The following PRDM16 variants were observed in gnomAD, a reference collection of about 807,000 sequenced individuals.
PRDM16 encodes the protein histone-lysine N-methyltransferase PRDM16.
A neutral mutation model predicts 110.6 loss-of-function variants in PRDM16; 23 were observed. The observed-to-expected ratio is 0.21, with a 90% CI of 0.15 to 0.29. The LOEUF is 0.29. PRDM16 is among the 10% of genes least tolerant of loss of function. PRDM16 has a pLI of 1.00. For synonymous variants in PRDM16, 799 were observed against 781.8 expected, an observed-to-expected ratio of 1.02 and a Z score of -0.37; for missense variants, 1,615 against 1,794.3, an observed-to-expected ratio of 0.90 and a Z score of 1.81.
rs936062698 is a variant in PRDM16, at chr1:3,295,368, T to C, written c.438+51231T>C. Among the ~76,000 whole-genome samples, 12 of 151,702 alleles carry C rather than the reference T, an allele frequency of 7.9e-5. 1 individual carries two copies. Among genetic ancestry groups the C allele is most frequent in the Admixed American group, 2.0e-4 (3 of 15,294 alleles). On this transcript the variant is annotated intron_variant, in intron 3 of 16. Coordinates refer to ENST00000270722, the MANE Select transcript of PRDM16 (RefSeq NM_022114.4). ...GCTGGGAGGGGACTGGGTGGCTCTC[T>C]GGGCTCCTCACCGCGGCTGGTCCCT...
In PRDM16 at chr1:3,382,273, C is replaced by CT. The variant is rs570119576; in HGVS notation, c.439-2878dup. Reference sequence around the variant, plus strand: ...CTCCCATGCCACGCCCCTGCCACCCCTGTCCTGGCAAGAGATGGGGTGCAA... The same window carrying CT: ...CTCCCATGCCACGCCCCTGCCACCCCTTGTCCTGGCAAGAGATGGGGTGCAA... On this transcript the variant is annotated intron_variant, in intron 3 of 16. Transcript: ENST00000270722. This position sits in a 1 kb window ranked among gnomAD's most constrained non-coding sequence, Gnocchi z 6.6. Among the ~76,000 whole-genome samples, 83 of 152,356 alleles carry CT rather than the reference C, an allele frequency of 5.4e-4. 1 individual carries two copies. In the South Asian group the frequency reaches 0.017, roughly 31 times the overall value.
intron 2 of PRDM16, among the ~76,000 whole-genome samples, chr1:3,224,154 T>G (rs1569874440): frequency 6.6e-6 from 1 of 152,024 alleles, no homozygotes; most frequent in African/African-American, 2.4e-5. Context: ...CCGTGGATGG[T>G]TTATCTTTGG....
At chr1:3,291,668 G>A (rs571725188) in intron 3 of PRDM16, among the ~76,000 whole-genome samples, 122 of 152,372 alleles carry the variant, frequency 8.0e-4, no homozygotes, top group African/African-American at 2.7e-3. Context: ...TGAATGCTAT[G>A]AAGCACCCGT....
At chr1:3,181,096 ACGC>A (rs1644157005) in intron 1 of PRDM16, among the ~76,000 whole-genome samples, 2 of 22,780 alleles carry the variant, frequency 8.8e-5, no homozygotes, top group Non-Finnish European at 2.2e-4. Flanking sequence ...GGCCTTACAC[ACGC>A]AGTCTTACAC....
rs533721352 is a variant in PRDM16, at chr1:3,096,802, C to A, written c.37+27506C>A. On this transcript the variant is annotated intron_variant, in intron 1 of 16. Transcript: ENST00000270722. ...TGTGGCCCTCATCTTCCTCAGTTTT[C>A]CCAGTGCCTGTCTTTCCTTGTGCCA... 2.6e-5 allele frequency among the ~76,000 whole-genome samples: 4 copies of A among 152,204 alleles called. 1 individual carries two copies. The highest frequency in any genetic ancestry group is 4.4e-5 in the Non-Finnish European group (3 of 68,040).
intron 8 of PRDM16, 127 bp downstream of exon 8, chr1:3,405,775 C>G (rs545898678): frequency 1.0e-6 from 1 of 958,116 alleles, no homozygotes; most frequent in East Asian, 2.9e-5. Context: ...ATAAAGCACT[C>G]ATGGCAGGTT....
chr1:3,271,480 C>A (rs925300859), intron 3 of PRDM16, among the ~76,000 whole-genome samples: 1 of 152,214 alleles, frequency 6.6e-6, no homozygotes, highest in Non-Finnish European at 1.5e-5. Flanking sequence ...AGGAGCTCAA[C>A]CCAGTGAGAA....
rs1439171485 is a variant in PRDM16 at position 3,412,689 on chromosome 1, G to T, written c.2492G>T (p.Arg831Leu). Residue 831 changes from arginine (R) to leucine (L), a missense_variant, in exon 9 of 17, where the codon CGC becomes CTC. Physicochemically the swap from Arg to Leu is moderately radical, Grantham distance 102. Coordinates refer to ENST00000270722, the MANE Select transcript of PRDM16 (RefSeq NM_022114.4). ...CGCAAGAACCACGTCTATGGGGAAC[G>T]CAAGCTGGGCGCCGGCGAGGGGCTG... is the stretch of plus-strand genomic sequence containing the variant. ...EPRKNHVYGE[R>L]KLGAGEGLPQ... 2 of 1,497,384 alleles carry T rather than the reference G, an allele frequency of 1.3e-6. No individual in the cohort carries two copies. The highest frequency in any genetic ancestry group is 1.3e-5 in the South Asian group (1 of 76,418). The allele number at this position is 1,497,384 out of a possible 1,614,324, so 92.8% of individuals were successfully genotyped here.
intron 4 of PRDM16, among the ~76,000 whole-genome samples, chr1:3,394,049 C>T (rs1216455790): frequency 6.6e-6 from 1 of 152,092 alleles, no homozygotes; most frequent in Admixed American, 6.5e-5. Context: ...GGGAGGGTCC[C>T]CCGGCAAGTC....
In PRDM16 at chr1:3,332,213, G is replaced by A. The variant is rs1642055282; in HGVS notation, c.439-52939G>A. ...CCTGATATGGGAGGTGCGTGCACTG[G>A]GAAGTGGTAATGAGATTCTGCCACG... On this transcript the variant is annotated intron_variant, in intron 3 of 16. Transcript: ENST00000270722. 3.3e-5 allele frequency among the ~76,000 whole-genome samples: 5 copies of A among 152,396 alleles called. No individual in the cohort carries two copies. In the South Asian group the frequency reaches 1.0e-3, roughly 32 times the overall value.
At chr1:3,180,944 C>CCTTACACACGCAGTCTTACACACTCGGT (rs1174521231) in intron 1 of PRDM16, among the ~76,000 whole-genome samples, 1 of 140,872 alleles carries the variant, frequency 7.1e-6, no homozygotes, top group Admixed American at 7.1e-5. Context: ...ACACACGCAG[C>CCTTACACACGCAGTCTTACACACTCGGT]CTTACACACG....
intron 2 of PRDM16, among the ~76,000 whole-genome samples, chr1:3,195,636 G>A (rs572978904): frequency 2.5e-4 from 36 of 146,228 alleles, no homozygotes; most frequent in African/African-American, 8.5e-4. Context: ...CTCAGGAACC[G>A]GCCGCTTGTA....
chr1:3,093,889 G>A (rs1189072612), intron 1 of PRDM16, among the ~76,000 whole-genome samples: 1 of 152,222 alleles, frequency 6.6e-6, no homozygotes, highest in Admixed American at 6.5e-5. Flanking sequence ...CATCCCACTC[G>A]GGCGGAGAGC....
At chr1:3,200,563 C>T (rs938201802) in intron 2 of PRDM16, among the ~76,000 whole-genome samples, 11 of 151,456 alleles carry the variant, frequency 7.3e-5, no homozygotes, top group African/African-American at 1.5e-4. Context: ...AGGATGGTCT[C>T]GATCTTCTGA....
Position 3,148,493 on chromosome 1 carries a change from C to T in PRDM16, c.38-37632C>T, listed in dbSNP as rs1643719451. On this transcript the variant is annotated intron_variant, in intron 1 of 16. Coordinates refer to ENST00000270722, the MANE Select transcript of PRDM16 (RefSeq NM_022114.4). The surrounding 1 kb of genome is among the most constrained non-coding windows in gnomAD (Gnocchi z 5.0). Reference sequence around the variant, plus strand: ...CCCGCAGCAGGTGGAACCCCTGCCTCACCTTCCCTGCTTCTGAGGGGGCAG... The same window carrying T: ...CCCGCAGCAGGTGGAACCCCTGCCTTACCTTCCCTGCTTCTGAGGGGGCAG... Among the ~76,000 whole-genome samples the T allele has an allele frequency of 6.6e-6, 1 of 152,194 alleles. No individual in the cohort carries two copies. Among genetic ancestry groups the T allele is most frequent in the Non-Finnish European group, 1.5e-5 (1 of 68,022 alleles).
At chr1:3,174,306 C>T (rs1345303082) in intron 1 of PRDM16, among the ~76,000 whole-genome samples, 5 of 152,194 alleles carry the variant, frequency 3.3e-5, no homozygotes, top group Admixed American at 2.0e-4. Context: ...CTCACCTGAA[C>T]TTGATTACCA....
At chr1:3,266,853 T>C in intron 3 of PRDM16, among the ~76,000 whole-genome samples, 1 of 152,024 alleles carries the variant, frequency 6.6e-6, no homozygotes, top group Non-Finnish European at 1.5e-5. Flanking sequence ...TATTTTTGTA[T>C]TTTTAGTAGA....
intron 12 of PRDM16, among the ~76,000 whole-genome samples, chr1:3,420,943 G>A (rs982421991): frequency 2.0e-5 from 3 of 152,012 alleles, no homozygotes; most frequent in Non-Finnish European, 4.4e-5. Flanking sequence ...ACTCCTGCTG[G>A]GACCGAGATT....
chr1:3,403,185 G>A (rs948023535), intron 6 of PRDM16, among the ~76,000 whole-genome samples, 187 bp downstream of exon 6: 5 of 152,180 alleles, frequency 3.3e-5, no homozygotes, highest in Admixed American at 1.3e-4. Context: ...GGACACTGGC[G>A]CTGCGGGCAG....
Sources: gnomAD v4.1 joint callset for allele counts (sites outside exome capture counted in the v4.1 genomes callset) on GRCh38, gnomAD v4.1.1 for gene constraint, Gnocchi (gnomAD v3.1) non-coding constraint, MANE v1.5 for transcripts, NCBI Gene and HGNC (gene_info 2026-07-23, HGNC 2026-07-21) for gene names.